CNTN4: variants seen among roughly 807,000 people sequenced by gnomAD.
CNTN4 encodes contactin 4.
In CNTN4, 77 loss-of-function variants were observed where a neutral mutation model predicts 122.5. The observed-to-expected ratio is 0.63, with a 90% CI of 0.52 to 0.76. CNTN4 has a LOEUF of 0.76. Ranked by LOEUF, CNTN4 falls within the 30% of genes least tolerant of loss-of-function variation. The pLI is 0.00. For missense variants in CNTN4, 1,256 were observed against 1,259.1 expected (o/e 1.00, Z 0.04); for synonymous variants, 512 against 447.0 (o/e 1.15, Z -1.83).
intron 8 of CNTN4, among the ~76,000 whole-genome samples, chr3:2,870,156 A>G (rs141232717): frequency 5.6e-4 from 86 of 152,364 alleles, no homozygotes; most frequent in African/African-American, 1.9e-3. Context: ...CAAGCACTCC[A>G]GAATCATCAT....
chr3:2,842,865 T>G (rs1430914013), intron 7 of CNTN4, among the ~76,000 whole-genome samples: 4 of 152,104 alleles, frequency 2.6e-5, no homozygotes, highest in African/African-American at 9.7e-5. Context: ...TTTTCTTTTC[T>G]GGCTTCTCAT....
At chr3:2,211,475 C>G (rs2038612902) in intron 2 of CNTN4, among the ~76,000 whole-genome samples, 1 of 152,000 alleles carries the variant, frequency 6.6e-6, no homozygotes. Flanking sequence ...CACTCTATGC[C>G]CCACATTGAT....
At chr3:3,020,579 G>A (rs72622147) in intron 14 of CNTN4, among the ~76,000 whole-genome samples, 5,622 of 152,074 alleles carry the variant, frequency 0.037, 558 homozygotes, top group East Asian at 0.34. Context: ...CTCTGAGGGC[G>A]CCCACCTCCA....
chr3:2,301,681 G>C (rs1307982727), intron 2 of CNTN4, among the ~76,000 whole-genome samples: 1 of 152,172 alleles, frequency 6.6e-6, no homozygotes, highest in East Asian at 1.9e-4. Flanking sequence ...GAATAATACA[G>C]AGTCATTTGA....
chr3:2,461,367 A>C (rs184378129), intron 3 of CNTN4, among the ~76,000 whole-genome samples: 1 of 152,310 alleles, frequency 6.6e-6, no homozygotes, highest in East Asian at 1.9e-4. Context: ...ACATTAATTA[A>C]TGAGATAATC....
chr3:2,842,073 T>C (rs17645161), intron 7 of CNTN4, among the ~76,000 whole-genome samples: 20,794 of 152,152 alleles, frequency 0.14, 1,598 homozygotes, highest in African/African-American at 0.19. Context: ...TAATGAGCAT[T>C]GTTGAAGCCA....
At chr3:2,830,470 A>C (rs925819) in intron 7 of CNTN4, among the ~76,000 whole-genome samples, 1 of 152,128 alleles carries the variant, frequency 6.6e-6, no homozygotes, top group Admixed American at 6.6e-5. Context: ...GCTGGACCAC[A>C]TGCAGAGCTT....
chr3:2,199,026 C>G (rs1237573514), intron 2 of CNTN4, among the ~76,000 whole-genome samples: 1 of 152,168 alleles, frequency 6.6e-6, no homozygotes, highest in Non-Finnish European at 1.5e-5. Flanking sequence ...CTGGGTCATG[C>G]AGCCCATGGC....
intron 4 of CNTN4, among the ~76,000 whole-genome samples, chr3:2,618,636 G>A (rs1218573597): frequency 6.6e-6 from 1 of 152,124 alleles, no homozygotes; most frequent in Admixed American, 6.6e-5. Context: ...GCACAGCGGG[G>A]ATAATTAACA....
chr3:2,218,409 A>G (rs1011542146), intron 2 of CNTN4, among the ~76,000 whole-genome samples: 1 of 152,170 alleles, frequency 6.6e-6, no homozygotes, highest in Non-Finnish European at 1.5e-5. Context: ...AGTCCCAGCT[A>G]CTCGGGAGGC....
intron 2 of CNTN4, among the ~76,000 whole-genome samples, chr3:2,123,345 A>G (rs913486316): frequency 3.9e-5 from 6 of 152,226 alleles, no homozygotes; most frequent in Non-Finnish European, 7.4e-5. Context: ...CTGCTTCCAG[A>G]GGAGTTTTTC....
chr3:2,730,968 T>G (rs917387211), intron 4 of CNTN4, among the ~76,000 whole-genome samples: 4 of 151,270 alleles, frequency 2.6e-5, no homozygotes, highest in Non-Finnish European at 4.4e-5. Context: ...ATAAATTAAG[T>G]GACACCCGGC....
chr3:2,246,355 A>G (rs959516067), intron 2 of CNTN4, among the ~76,000 whole-genome samples: 2 of 152,040 alleles, frequency 1.3e-5, no homozygotes, highest in African/African-American at 4.8e-5. Flanking sequence ...TAAGGAAAGC[A>G]TTTTTAATAC....
At chr3:2,932,351 C>T (rs1440897098) in intron 13 of CNTN4, among the ~76,000 whole-genome samples, 3 of 151,974 alleles carry the variant, frequency 2.0e-5, no homozygotes, top group South Asian at 2.1e-4. Context: ...GCACTCCAGC[C>T]TGAGTGACAG....
intron 2 of CNTN4, among the ~76,000 whole-genome samples, chr3:2,298,896 T>A (rs944825038): frequency 6.6e-6 from 1 of 152,190 alleles, no homozygotes; most frequent in African/African-American, 2.4e-5. Flanking sequence ...TGTGAAACAC[T>A]TGGTATATGA....
At chr3:2,122,033 T>C (rs957711426) in intron 2 of CNTN4, among the ~76,000 whole-genome samples, 1 of 151,644 alleles carries the variant, frequency 6.6e-6, no homozygotes, top group East Asian at 1.9e-4. Context: ...GCGGCGCCTG[T>C]AGTCCCAGCT....
chr3:2,800,079 C>CT (rs11449693), intron 6 of CNTN4, among the ~76,000 whole-genome samples: 117,367 of 136,444 alleles, frequency 0.86, 50,946 homozygotes, highest in South Asian at 0.96. Flanking sequence ...ATGCCATCTA[C>CT]TTTTTTTTTT....
chr3:2,993,773 G>T (rs923782526), intron 14 of CNTN4, among the ~76,000 whole-genome samples: 3 of 152,166 alleles, frequency 2.0e-5, no homozygotes, highest in Non-Finnish European at 4.4e-5. Flanking sequence ...GTCTGGCCAA[G>T]CTATACACAA....
intron 2 of CNTN4, among the ~76,000 whole-genome samples, chr3:2,207,160 C>A (rs1240718139): frequency 6.6e-6 from 1 of 152,022 alleles, no homozygotes; most frequent in East Asian, 1.9e-4. Flanking sequence ...CTGACTACTG[C>A]AGCTACCAGC....
Sources: gnomAD v4.1 joint callset for allele counts (sites outside exome capture counted in the v4.1 genomes callset) on GRCh38, gnomAD v4.1.1 for gene constraint, MANE v1.5 for transcripts, NCBI Gene and HGNC (gene_info 2026-07-23, HGNC 2026-07-21) for gene names.